Variants in PCDHGB1 observed in about 807,000 individuals in gnomAD.
The protein encoded by PCDHGB1 is protocadherin gamma-B1.
A neutral mutation model predicts 56.6 loss-of-function variants in PCDHGB1; 34 were observed. The ratio of observed to expected loss-of-function variants is 0.60; its 90% CI spans 0.46 to 0.80. PCDHGB1 has a LOEUF of 0.80. Ranked by LOEUF, PCDHGB1 falls within the 30% of genes least tolerant of loss-of-function variation. The pLI is 0.00. For missense variants in PCDHGB1, 1,278 were observed against 1,204.6 expected (o/e 1.06, Z -0.90); for synonymous variants, 561 against 505.9 (o/e 1.11, Z -1.46).
At chr5:141,356,895 C>T in intron 1 of PCDHGB1, 1 of 1,614,228 alleles carries the variant, frequency 6.2e-7, no homozygotes. Context: ...TCCTGTACCC[C>T]ACCTTCCCTA....
Position 141,511,350 on chromosome 5 carries a change from C to T in PCDHGB1, c.*177C>T, listed in dbSNP as rs1303365585. Reference sequence around the variant, plus strand: ...CCCAGTCAGCACCTACCCCTTCCCCCCCAGGGGGTTGAATATGCAAAAGCA... The same window carrying T: ...CCCAGTCAGCACCTACCCCTTCCCCTCCAGGGGGTTGAATATGCAAAAGCA... On this transcript the variant is annotated 3_prime_UTR_variant, in exon 4 of 4. Transcript: ENST00000523390. The T allele has an allele frequency of 6.4e-6, 9 of 1,397,076 alleles. No homozygotes were observed. Among genetic ancestry groups the T allele is most frequent in the Non-Finnish European group, 8.6e-6 (9 of 1,050,666 alleles). 86.5% of individuals were successfully genotyped at this position (1,397,076 alleles called of 1,614,324 possible).
intron 1 of PCDHGB1, among the ~76,000 whole-genome samples, chr5:141,475,215 T>C (rs768665396): frequency 2.6e-5 from 4 of 152,176 alleles, no homozygotes; most frequent in Non-Finnish European, 5.9e-5. Flanking sequence ...AAAGGATTGA[T>C]CAAGTAAAGG....
intron 1 of PCDHGB1, chr5:141,372,919 A>G (rs1404152823): frequency 2.0e-6 from 2 of 1,017,920 alleles, no homozygotes; most frequent in Non-Finnish European, 2.8e-6. Flanking sequence ...TATTTTATTG[A>G]TTTTCTGGTG....
At chr5:141,418,940 C>G in intron 1 of PCDHGB1, 9 of 1,614,012 alleles carry the variant, frequency 5.6e-6, no homozygotes, top group Non-Finnish European at 6.8e-6. Context: ...GGAGGATTCC[C>G]CTCCAGGAGT....
At chr5:141,390,339 C>A in intron 1 of PCDHGB1, 2 of 1,591,234 alleles carry the variant, frequency 1.3e-6, no homozygotes, top group Non-Finnish European at 1.7e-6. Flanking sequence ...TCCATATTCA[C>A]AAGAAAATAT....
chr5:141,478,337 T>C (rs766980546), intron 1 of PCDHGB1: 1 of 1,613,942 alleles, frequency 6.2e-7, no homozygotes, highest in Non-Finnish European at 8.5e-7. Context: ...ACCAGGGCCC[T>C]CCTTGCACGC....
intron 2 of PCDHGB1, among the ~76,000 whole-genome samples, chr5:141,496,592 T>G (rs948403662): frequency 6.6e-6 from 1 of 152,136 alleles, no homozygotes; most frequent in African/African-American, 2.4e-5. Context: ...GCAAAGCGCT[T>G]CTTAGAAGGC....
At chr5:141,368,813 A>G (rs529134948) in intron 1 of PCDHGB1, among the ~76,000 whole-genome samples, 1 of 152,204 alleles carries the variant, frequency 6.6e-6, no homozygotes, top group African/African-American at 2.4e-5. Flanking sequence ...TGAAGTGTTC[A>G]TACAATGAAC....
chr5:141,464,079 A>G (rs996899520), intron 1 of PCDHGB1, among the ~76,000 whole-genome samples: 3 of 152,124 alleles, frequency 2.0e-5, no homozygotes, highest in Non-Finnish European at 4.4e-5. Flanking sequence ...AGCCTGGCCA[A>G]CATGGTGAAA....
intron 1 of PCDHGB1, chr5:141,404,176 A>G (rs763166170): frequency 7.4e-6 from 12 of 1,613,206 alleles, no homozygotes; most frequent in South Asian, 2.2e-5. Context: ...TGACGGCCCA[A>G]ATTCTTGACC....
At chr5:141,422,424 T>G (rs1182660567) in intron 1 of PCDHGB1, 3 of 1,607,958 alleles carry the variant, frequency 1.9e-6, no homozygotes, top group Non-Finnish European at 2.5e-6. Flanking sequence ...AAAAGACTTA[T>G]GGAAATTATT....
At chr5:141,415,754 T>C in intron 1 of PCDHGB1, 3 of 1,385,738 alleles carry the variant, frequency 2.2e-6, no homozygotes, top group South Asian at 1.7e-5. Context: ...TTTTTTTTTT[T>C]TTTTTTTTTT....
At chr5:141,438,303 T>G (rs2097949191) in intron 1 of PCDHGB1, among the ~76,000 whole-genome samples, 1 of 152,068 alleles carries the variant, frequency 6.6e-6, no homozygotes, top group African/African-American at 2.4e-5. Flanking sequence ...TAAAAGAAGT[T>G]GGTACCACCA....
chr5:141,413,248 GGGATTCCATGGGA>G (rs1349440144), intron 1 of PCDHGB1: 4 of 1,613,844 alleles, frequency 2.5e-6, no homozygotes, highest in Non-Finnish European at 2.5e-6. Context: ...CCTTTTCTTC[GGGATTCCATGGGA>G]GGCTGGAGCC....
intron 3 of PCDHGB1, chr5:141,507,291 T>A (rs956764262): frequency 3.4e-5 from 5 of 147,704 alleles, no homozygotes; most frequent in African/African-American, 5.1e-5. Flanking sequence ...CAGTCTCAAA[T>A]GTTGCATGAG....
intron 1 of PCDHGB1, chr5:141,427,988 T>C (rs555561265): frequency 6.3e-7 from 1 of 1,598,504 alleles, no homozygotes; most frequent in South Asian, 1.1e-5. Context: ...TGGGGCCCGA[T>C]GGCTCCGCAC....
intron 1 of PCDHGB1, chr5:141,371,832 G>C (rs765040359): frequency 6.2e-7 from 1 of 1,613,780 alleles, no homozygotes. Context: ...CTCGGATCCC[G>C]ACTTGGGACC....
chr5:141,490,380 T>A lies in PCDHGB1; in HGVS notation c.2410-4427T>A. On this transcript the variant is annotated intron_variant, in intron 1 of 3. Coordinates refer to ENST00000523390, the MANE Select transcript of PCDHGB1 (RefSeq NM_018922.3). The surrounding 1 kb of genome is among the most constrained non-coding windows in gnomAD (Gnocchi z 5.4). ...TTAATGTGCGAGACCGGGACTCAGG[T>A]AGAAATGGTGAAGTGAGCCTTGATA... 6.2e-7 allele frequency: 1 copy of A among 1,614,204 alleles called. No homozygotes were observed. The highest frequency in any genetic ancestry group is 1.7e-5 in the Admixed American group (1 of 60,026).
chr5:141,414,486 AACGG>A, intron 1 of PCDHGB1: 1 of 1,613,938 alleles, frequency 6.2e-7, no homozygotes, highest in Non-Finnish European at 8.5e-7. Flanking sequence ...CTCCTCTATC[AACGG>A]AAGCTCACTT....
Sources: allele counts gnomAD v4.1 joint callset (sites outside exome capture counted in the v4.1 genomes callset), GRCh38; gene constraint gnomAD v4.1.1; non-coding constraint Gnocchi (gnomAD v3.1); transcripts MANE v1.5; gene names NCBI Gene and HGNC (gene_info 2026-07-23, HGNC 2026-07-21).